The following SPAG16 variants were observed in gnomAD, a reference collection of about 807,000 sequenced individuals.
SPAG16 encodes sperm-associated antigen 16 protein.
SPAG16 carries 86 observed loss-of-function variants against 80.4 expected under a neutral mutation model. The observed-to-expected ratio is 1.07, with a 90% CI of 0.90 to 1.28. The LOEUF (loss-of-function observed/expected upper bound fraction) is 1.28. Ranked by LOEUF, SPAG16 falls within the 50% of genes most tolerant of loss-of-function variation. The pLI is 0.00. For missense variants in SPAG16, 870 were observed against 765.3 expected, an observed-to-expected ratio of 1.14 and a Z score of -1.61; for synonymous variants, 294 against 265.9, an observed-to-expected ratio of 1.11 and a Z score of -1.03.
intron 9 of SPAG16, among the ~76,000 whole-genome samples, chr2:213,417,190 A>C (rs762342755): frequency 5.5e-4 from 84 of 151,954 alleles, no homozygotes; most frequent in Non-Finnish European, 1.0e-3. Flanking sequence ...GCATCATACT[A>C]TATAGAAAAG....
intron 10 of SPAG16, among the ~76,000 whole-genome samples, chr2:213,839,927 G>A (rs969969272): frequency 1.3e-5 from 2 of 152,054 alleles, no homozygotes; most frequent in Admixed American, 6.6e-5. Flanking sequence ...TTCCTATTAC[G>A]AAAAGAAGAA....
At chr2:214,081,267 C>T (rs1339143786) in intron 13 of SPAG16, among the ~76,000 whole-genome samples, 1 of 152,124 alleles carries the variant, frequency 6.6e-6, no homozygotes, top group East Asian at 1.9e-4. Flanking sequence ...TTTTACCTAA[C>T]AACAAAATCT....
intron 10 of SPAG16, among the ~76,000 whole-genome samples, chr2:213,659,628 G>A (rs2063346048): frequency 6.6e-6 from 1 of 152,026 alleles, no homozygotes; most frequent in African/African-American, 2.4e-5. Flanking sequence ...GATGATTTTC[G>A]ACTCACAAAG....
At chr2:213,639,063 T>C (rs2062484459) in intron 10 of SPAG16, among the ~76,000 whole-genome samples, 1 of 151,162 alleles carries the variant, frequency 6.6e-6, no homozygotes, top group African/African-American at 2.5e-5. Flanking sequence ...AGTTGACTCC[T>C]TCTTGCTTTT....
chr2:213,675,583 C>T (rs1285092606), intron 10 of SPAG16, among the ~76,000 whole-genome samples: 1 of 152,142 alleles, frequency 6.6e-6, no homozygotes, highest in African/African-American at 2.4e-5. Flanking sequence ...GGAAGGGATC[C>T]AGTTTCAGCT....
intron 11 of SPAG16, among the ~76,000 whole-genome samples, chr2:213,895,179 A>G (rs1183582221): frequency 1.3e-5 from 2 of 151,922 alleles, no homozygotes; most frequent in Non-Finnish European, 2.9e-5. Flanking sequence ...AATAGCTACA[A>G]TAATATAAAA....
rs115891708 is a variant in SPAG16 at position 213,849,517 on chromosome 2, A to G, written c.1071-12968A>G. 8.7e-3 allele frequency among the ~76,000 whole-genome samples: 1,332 copies of G among 152,360 alleles called. 22 individuals are homozygous for G. The highest frequency in any genetic ancestry group is 0.03 in the African/African-American group (1,251 of 41,576). On this transcript the variant is annotated intron_variant, in intron 10 of 15. Coordinates refer to ENST00000331683, the MANE Select transcript of SPAG16 (RefSeq NM_024532.5). ...TTTCTAATTTATTTATAAAATAGAT[A>G]CAAAAAAGTCATTATTTATATGTCA... is the stretch of plus-strand genomic sequence containing the variant.
At chr2:214,201,471 C>G (rs533722664) in intron 15 of SPAG16, among the ~76,000 whole-genome samples, 1 of 152,164 alleles carries the variant, frequency 6.6e-6, no homozygotes, top group Non-Finnish European at 1.5e-5. Context: ...GATAGACCTA[C>G]ATGTGGTTTG....
intron 13 of SPAG16, among the ~76,000 whole-genome samples, chr2:214,040,683 G>A (rs2048959522): frequency 6.6e-6 from 1 of 152,064 alleles, no homozygotes; most frequent in Non-Finnish European, 1.5e-5. Context: ...TATTTTGTAT[G>A]TAGCGTTTTG....
intron 10 of SPAG16, among the ~76,000 whole-genome samples, chr2:213,786,493 A>G (rs950852534): frequency 2.0e-5 from 3 of 152,226 alleles, no homozygotes; most frequent in South Asian, 2.1e-4. Flanking sequence ...GGTTAAAAAC[A>G]TGGATTTTTC....
chr2:213,992,539 A>G (rs148732186), intron 12 of SPAG16, among the ~76,000 whole-genome samples: 119 of 152,300 alleles, frequency 7.8e-4, no homozygotes, highest in African/African-American at 2.8e-3. Context: ...TCATTTTGAT[A>G]TAGTAGATGG....
At chr2:213,830,857 T>C (rs976728698) in intron 10 of SPAG16, among the ~76,000 whole-genome samples, 4 of 152,064 alleles carry the variant, frequency 2.6e-5, no homozygotes, top group Non-Finnish European at 4.4e-5. Context: ...TTTTATGCAT[T>C]TGTCTTTCGG....
At chr2:213,781,401 A>G (rs1250606661) in intron 10 of SPAG16, among the ~76,000 whole-genome samples, 1 of 152,142 alleles carries the variant, frequency 6.6e-6, no homozygotes, top group Admixed American at 6.5e-5. Flanking sequence ...GAAAAGCAAA[A>G]AGTTGATGCC....
chr2:213,655,591 A>G (rs2063192474), intron 10 of SPAG16, among the ~76,000 whole-genome samples: 1 of 152,166 alleles, frequency 6.6e-6, no homozygotes, highest in South Asian at 2.1e-4. Flanking sequence ...AGGGGTAGTA[A>G]CTGAATAAGG....
At chr2:213,553,426 C>G (rs776125786) in intron 10 of SPAG16, among the ~76,000 whole-genome samples, 3 of 152,228 alleles carry the variant, frequency 2.0e-5, no homozygotes, top group African/African-American at 7.2e-5. Flanking sequence ...TGACAGGAAC[C>G]GCTGTGGTTA....
chr2:213,466,784 T>G (rs1245661539), intron 9 of SPAG16, among the ~76,000 whole-genome samples: 1 of 152,172 alleles, frequency 6.6e-6, no homozygotes, highest in Non-Finnish European at 1.5e-5. Context: ...AATTTTAACC[T>G]GAGGATAAAG....
At chr2:213,411,261 G>A (rs1210492926) in intron 9 of SPAG16, among the ~76,000 whole-genome samples, 2 of 152,118 alleles carry the variant, frequency 1.3e-5, no homozygotes, top group East Asian at 1.9e-4. Flanking sequence ...CTATTTAAAC[G>A]CAACTGGAGT....
chr2:214,055,210 C>T (rs972390041), intron 13 of SPAG16, among the ~76,000 whole-genome samples: 1 of 152,242 alleles, frequency 6.6e-6, no homozygotes, highest in East Asian at 1.9e-4. Flanking sequence ...ATACCCTACT[C>T]TACTTGAAAT....
At chr2:213,386,429 C>T (rs1407481663) in intron 9 of SPAG16, among the ~76,000 whole-genome samples, 1 of 152,176 alleles carries the variant, frequency 6.6e-6, no homozygotes, top group African/African-American at 2.4e-5. Flanking sequence ...AATTCTCACT[C>T]CCATCCTTCT....
Sources: gnomAD v4.1 joint callset for allele counts (sites outside exome capture counted in the v4.1 genomes callset) on GRCh38, gnomAD v4.1.1 for gene constraint, MANE v1.5 for transcripts, NCBI Gene and HGNC (gene_info 2026-07-23, HGNC 2026-07-21) for gene names.